Variants in CHCHD3 observed in about 807,000 individuals in gnomAD.
CHCHD3 encodes the protein MICOS complex subunit MIC19.
In CHCHD3, 20 loss-of-function variants were observed where a neutral mutation model predicts 38.2. The observed-to-expected ratio is 0.52, with a 90% CI of 0.37 to 0.76. The LOEUF is 0.76. CHCHD3 is among the 30% of genes least tolerant of loss of function. The pLI is 0.00. For missense variants in CHCHD3, 245 were observed against 279.2 expected, an observed-to-expected ratio of 0.88 and a Z score of 0.87; for synonymous variants, 82 against 100.0, an observed-to-expected ratio of 0.82 and a Z score of 1.07.
chr7:132,800,696 C>G (rs1357759164), intron 6 of CHCHD3, among the ~76,000 whole-genome samples: 2 of 152,024 alleles, frequency 1.3e-5, no homozygotes, highest in South Asian at 2.1e-4. Flanking sequence ...TCTAGGCATG[C>G]AAAGAAAGGA....
chr7:132,969,585 G>A (rs1011644179), intron 4 of CHCHD3, among the ~76,000 whole-genome samples: 1 of 152,184 alleles, frequency 6.6e-6, no homozygotes, highest in Non-Finnish European at 1.5e-5. Context: ...AACCTTGCTT[G>A]TAGTTAGGCT....
chr7:132,873,104 T>A (rs1243425202), intron 5 of CHCHD3, among the ~76,000 whole-genome samples: 6 of 150,050 alleles, frequency 4.0e-5, no homozygotes, highest in African/African-American at 7.4e-5. Flanking sequence ...ATTAAATAAA[T>A]AAATAAAAAT....
At chr7:132,873,610 T>C (rs994982445) in intron 5 of CHCHD3, among the ~76,000 whole-genome samples, 1 of 151,982 alleles carries the variant, frequency 6.6e-6, no homozygotes, top group Non-Finnish European at 1.5e-5. Flanking sequence ...CTGACACTGA[T>C]ATTACTATTT....
At chr7:132,871,741 G>A (rs1285056990) in intron 5 of CHCHD3, among the ~76,000 whole-genome samples, 1 of 151,782 alleles carries the variant, frequency 6.6e-6, no homozygotes, top group African/African-American at 2.4e-5. Context: ...CAGGTAAACT[G>A]TGTCTGCTTC....
chr7:132,955,173 GGTGTGTGTGTGTGTGTGT>G lies in CHCHD3; in HGVS notation c.369+19978_369+19995del, dbSNP rs3050414. 3.2e-4 allele frequency among the ~76,000 whole-genome samples: 41 copies of G among 126,284 alleles called. 1 individual carries two copies. Among genetic ancestry groups the G allele is most frequent in the African/African-American group, 1.2e-3 (39 of 33,152 alleles). The allele number at this position is 126,284 out of a possible 152,430, so 82.8% of individuals were successfully genotyped here. A position where few individuals can be genotyped will look rare whatever the true frequency, so the allele number is the denominator to read the frequency against. On this transcript the variant is annotated intron_variant, in intron 4 of 7. Coordinates refer to ENST00000262570, the MANE Select transcript of CHCHD3 (RefSeq NM_017812.4). The stretch of plus-strand genomic sequence containing the variant: ...AGAAAGGAGGCTTTTTCCCTCAGAG[GGTGTGTGTGTGTGTGTGT>G]GTGTGTGTGTGTGTGTGTGTGTGTT...
At chr7:133,046,198 A>C (rs978971857) in intron 2 of CHCHD3, among the ~76,000 whole-genome samples, 1 of 152,200 alleles carries the variant, frequency 6.6e-6, no homozygotes, top group Admixed American at 6.5e-5. Context: ...GTATAATCTG[A>C]TGAAGTAGTT....
intron 4 of CHCHD3, among the ~76,000 whole-genome samples, chr7:132,906,681 T>C (rs890459838): frequency 1.3e-5 from 2 of 150,940 alleles, no homozygotes; most frequent in East Asian, 2.0e-4. Flanking sequence ...AATGATGACA[T>C]GATCAAGGAA....
intron 4 of CHCHD3, among the ~76,000 whole-genome samples, chr7:132,905,797 C>A (rs568189864): frequency 6.6e-6 from 1 of 152,186 alleles, no homozygotes; most frequent in East Asian, 1.9e-4. Flanking sequence ...TTCTAAGATG[C>A]AATTCCTCTC....
At chr7:133,038,689 G>A (rs928190587) in intron 2 of CHCHD3, among the ~76,000 whole-genome samples, 15 of 152,134 alleles carry the variant, frequency 9.9e-5, no homozygotes, top group Non-Finnish European at 2.2e-4. Flanking sequence ...AGGAATGAAA[G>A]GTAACCCGGA....
intron 4 of CHCHD3, among the ~76,000 whole-genome samples, chr7:132,906,403 A>T (rs554055354): frequency 1.3e-5 from 2 of 152,362 alleles, no homozygotes; most frequent in East Asian, 3.9e-4. Flanking sequence ...GTGTAATGAC[A>T]GTTAGCAAGT....
chr7:132,919,045 A>T (rs1174894351), intron 4 of CHCHD3, among the ~76,000 whole-genome samples: 5 of 147,610 alleles, frequency 3.4e-5, no homozygotes, highest in Admixed American at 3.4e-4. Flanking sequence ...CTTATACTGT[A>T]TCTGAATCAT....
chr7:132,806,951 C>T (rs1358133585), intron 6 of CHCHD3, among the ~76,000 whole-genome samples: 1 of 152,138 alleles, frequency 6.6e-6, no homozygotes, highest in Admixed American at 6.5e-5. Flanking sequence ...AGGAATAACA[C>T]TTCGATTTCC....
In CHCHD3 at chr7:132,785,122, A is replaced by G. The variant is rs1806280085; in HGVS notation, c.*515T>C. The G allele has an allele frequency of 6.5e-6, 1 of 153,468 alleles. No homozygotes were observed. Among genetic ancestry groups the G allele is most frequent in the African/African-American group, 2.4e-5 (1 of 41,460 alleles). 9.5% of individuals were successfully genotyped at this position (153,468 alleles called of 1,614,324 possible). A position where few individuals can be genotyped will look rare whatever the true frequency, so the allele number is the denominator to read the frequency against. Reference sequence around the variant, plus strand: ...AGGAGAAAAGAAAGACAAAACCAACATGCCACAGCCTAGACAATTCCATCC... The same window carrying G: ...AGGAGAAAAGAAAGACAAAACCAACGTGCCACAGCCTAGACAATTCCATCC... On this transcript the variant is annotated 3_prime_UTR_variant, in exon 8 of 8. Coordinates refer to ENST00000262570, the MANE Select transcript of CHCHD3 (RefSeq NM_017812.4).
At chr7:132,870,312 T>C (rs1027320810) in intron 5 of CHCHD3, among the ~76,000 whole-genome samples, 3 of 146,344 alleles carry the variant, frequency 2.0e-5, no homozygotes, top group African/African-American at 7.6e-5. Context: ...ATCACGCCAC[T>C]GTACTCCAGC....
intron 7 of CHCHD3, among the ~76,000 whole-genome samples, chr7:132,786,658 T>G (rs73441223): frequency 0.029 from 4,444 of 152,156 alleles, 224 homozygotes; most frequent in African/African-American, 0.1. Flanking sequence ...CCCACCTGCC[T>G]CCCGCCAACC....
chr7:133,035,186 C>T lies in CHCHD3; in HGVS notation c.170-10559G>A. On this transcript the variant is annotated intron_variant, in intron 2 of 7. Transcript: ENST00000262570. The surrounding 1 kb of genome is among the most constrained non-coding windows in gnomAD (Gnocchi z 4.7). Reference sequence around the variant, plus strand: ...CCTTTTTCTCCTCCTTCCGCTCAGCCTGGGGCTTCTGCTTCTCTTCCCGTG... The same window carrying T: ...CCTTTTTCTCCTCCTTCCGCTCAGCTTGGGGCTTCTGCTTCTCTTCCCGTG... 3 of 1,613,778 alleles carry T rather than the reference C, an allele frequency of 1.9e-6. No homozygotes were observed. Among genetic ancestry groups the T allele is most frequent in the Non-Finnish European group, 2.5e-6 (3 of 1,179,720 alleles).
chr7:132,909,058 A>G (rs1809870369), intron 4 of CHCHD3, among the ~76,000 whole-genome samples: 1 of 152,028 alleles, frequency 6.6e-6, no homozygotes, highest in South Asian at 2.1e-4. Flanking sequence ...GTTTTATAAG[A>G]GGCTTTTCCC....
At chr7:132,892,684 G>A (rs766219549) in intron 4 of CHCHD3, among the ~76,000 whole-genome samples, 3 of 152,170 alleles carry the variant, frequency 2.0e-5, no homozygotes, top group African/African-American at 7.2e-5. Flanking sequence ...GGGCACTGCT[G>A]CTGTGTGCAG....
intron 2 of CHCHD3, among the ~76,000 whole-genome samples, chr7:133,044,909 A>C (rs1813936862): frequency 6.6e-6 from 1 of 152,246 alleles, no homozygotes; most frequent in Admixed American, 6.5e-5. Context: ...CAAGTCCTGC[A>C]GCTCTGATCC....
Sources: allele counts gnomAD v4.1 joint callset (sites outside exome capture counted in the v4.1 genomes callset), GRCh38; gene constraint gnomAD v4.1.1; non-coding constraint Gnocchi (gnomAD v3.1); transcripts MANE v1.5; gene names NCBI Gene and HGNC (gene_info 2026-07-23, HGNC 2026-07-21).